The following BMP5 variants were observed in gnomAD, a reference collection of about 807,000 sequenced individuals.
The protein encoded by BMP5 is bone morphogenetic protein 5.
A neutral mutation model predicts 46.6 loss-of-function variants in BMP5; 23 were observed. The ratio of observed to expected loss-of-function variants is 0.49; its 90% CI spans 0.35 to 0.70. The LOEUF (loss-of-function observed/expected upper bound fraction) is 0.70. Ranked by LOEUF, BMP5 falls within the 30% of genes least tolerant of loss-of-function variation. The probability of loss-of-function intolerance (pLI) is 0.00; values close to 1 mark genes in which losing one functional copy is unlikely to be tolerated. For missense variants in BMP5, 545 were observed against 565.6 expected (o/e 0.96, Z 0.37); for synonymous variants, 204 against 191.9 (o/e 1.06, Z -0.52).
intron 3 of BMP5, among the ~76,000 whole-genome samples, chr6:55,779,948 G>A (rs942575604): frequency 2.0e-5 from 3 of 151,936 alleles, no homozygotes; most frequent in Non-Finnish European, 2.9e-5. Context: ...TCTTTTAACT[G>A]TAGAGAACAG....
chr6:55,785,974 A>T (rs1775438735), intron 3 of BMP5, among the ~76,000 whole-genome samples: 1 of 151,754 alleles, frequency 6.6e-6, no homozygotes, highest in Non-Finnish European at 1.5e-5. Context: ...CTCTCTAGAA[A>T]TCTTATTATA....
chr6:55,820,715 G>A (rs1189945031), intron 1 of BMP5, among the ~76,000 whole-genome samples: 2 of 144,510 alleles, frequency 1.4e-5, no homozygotes, highest in Admixed American at 6.9e-5. Flanking sequence ...ACTCTGCCCC[G>A]TGTTGTTTGT....
chr6:55,860,291 A>ATT (rs1777501042), intron 1 of BMP5, among the ~76,000 whole-genome samples: 1 of 152,210 alleles, frequency 6.6e-6, no homozygotes, highest in Non-Finnish European at 1.5e-5. Context: ...TTTTTTAAAA[A>ATT]GTAATGTTTT....
chr6:55,819,841 C>T lies in BMP5; in HGVS notation c.497G>A (p.Arg166Lys). Residue 166 changes from arginine to lysine, a missense_variant, in exon 2 of 7, where the codon AGA becomes AAA. By Grantham distance (26) the Arg-to-Lys change is conservative. Coordinates refer to ENST00000370830, the MANE Select transcript of BMP5 (RefSeq NM_021073.4). ...MVMSFVNLVE[R>K]DKDFSHQRRH... Reference sequence around the variant, plus strand: ...TCGCTGGTGAGAAAAATCCTTGTCTCTTTCAACTGAAAAAATAAAGGGGGT... The same window carrying T: ...TCGCTGGTGAGAAAAATCCTTGTCTTTTTCAACTGAAAAAATAAAGGGGGT... 2 of 1,613,170 alleles carry T rather than the reference C, an allele frequency of 1.2e-6. No individual in the cohort carries two copies. The highest frequency in any genetic ancestry group is 1.7e-6 in the Non-Finnish European group (2 of 1,179,506).
chr6:55,806,396 T>A (rs111381953), intron 2 of BMP5, among the ~76,000 whole-genome samples: 19 of 152,318 alleles, frequency 1.2e-4, no homozygotes, highest in African/African-American at 4.6e-4. Flanking sequence ...TGGTGTTATT[T>A]CTGAGGTCTC....
At chr6:55,761,223 C>A (rs1415842603) in intron 4 of BMP5, among the ~76,000 whole-genome samples, 1 of 151,988 alleles carries the variant, frequency 6.6e-6, no homozygotes, top group Non-Finnish European at 1.5e-5. Flanking sequence ...GCTCTCACGC[C>A]CTTCATAATT....
At chr6:55,828,669 AT>A (rs928753237) in intron 1 of BMP5, among the ~76,000 whole-genome samples, 56 of 151,830 alleles carry the variant, frequency 3.7e-4, no homozygotes, top group Admixed American at 1.8e-3. Flanking sequence ...TTAGAAAAAA[AT>A]AATTATACTC....
intron 6 of BMP5, among the ~76,000 whole-genome samples, chr6:55,757,795 A>C (rs1337599012): frequency 6.6e-6 from 1 of 151,964 alleles, no homozygotes; most frequent in Non-Finnish European, 1.5e-5. Context: ...TCTCTAGCCC[A>C]AGGTTATTTC....
At chr6:55,804,791 A>T (rs1052712336) in intron 2 of BMP5, among the ~76,000 whole-genome samples, 19 of 152,144 alleles carry the variant, frequency 1.2e-4, no homozygotes, top group African/African-American at 4.3e-4. Flanking sequence ...AAGGACAAAT[A>T]CTGTGGAGTT....
chr6:55,865,369 T>G (rs567232161), intron 1 of BMP5: 1 of 486,478 alleles, frequency 2.1e-6, no homozygotes, highest in African/African-American at 2.0e-5. Flanking sequence ...ATATCTAAAA[T>G]TAAAGTAAAA....
At chr6:55,863,559 C>T (rs193232696) in intron 1 of BMP5, among the ~76,000 whole-genome samples, 2 of 152,268 alleles carry the variant, frequency 1.3e-5, no homozygotes, top group African/African-American at 2.4e-5. Flanking sequence ...ATGGGAACTA[C>T]ATTTATTGTT....
At position 55,860,535 on chromosome 6, in the gene BMP5, C is replaced by T. The variant is rs547231476; in HGVS notation, c.490+13841G>A. The stretch of plus-strand genomic sequence containing the variant: ...TCAGATATTAAGATCCTTCACACTT[C>T]TAGCATTACAATTGGGCTATTGGTA... On this transcript the variant is annotated intron_variant, in intron 1 of 6. Coordinates refer to ENST00000370830, the MANE Select transcript of BMP5 (RefSeq NM_021073.4). 2.0e-3 allele frequency among the ~76,000 whole-genome samples: 298 copies of T among 152,218 alleles called. 2 individuals are homozygous for T. Among genetic ancestry groups the T allele is most frequent in the African/African-American group, 6.2e-3 (257 of 41,540 alleles).
intron 2 of BMP5, among the ~76,000 whole-genome samples, chr6:55,796,012 G>T (rs929633460): frequency 1.3e-5 from 2 of 152,008 alleles, no homozygotes; most frequent in Non-Finnish European, 2.9e-5. Flanking sequence ...CTCCAAATAA[G>T]CAGACAAGAA....
intron 4 of BMP5, among the ~76,000 whole-genome samples, chr6:55,762,614 T>A (rs955740544): frequency 3.3e-5 from 5 of 152,072 alleles, no homozygotes; most frequent in African/African-American, 1.2e-4. Context: ...GTTCAGGCAA[T>A]GGATAAATAA....
intron 2 of BMP5, among the ~76,000 whole-genome samples, chr6:55,806,287 G>A (rs190436818): frequency 2.9e-4 from 44 of 152,202 alleles, no homozygotes; most frequent in African/African-American, 9.9e-4. Context: ...TTCTGCATAT[G>A]GCTAGCCAGT....
chr6:55,778,419 C>T (rs370919915), intron 3 of BMP5, among the ~76,000 whole-genome samples: 1 of 152,000 alleles, frequency 6.6e-6, no homozygotes, highest in East Asian at 1.9e-4. Flanking sequence ...ATTGTTTATT[C>T]CTAATTATTT....
Position 55,807,532 on chromosome 6 carries a change from G to A in BMP5, c.683+12123C>T, listed in dbSNP as rs546109493. On this transcript the variant is annotated intron_variant, in intron 2 of 6. Transcript: ENST00000370830. ...TATTGGCCTGAAGTTTTCTTTCTTC[G>A]TTGTGTCTCTGGAAGGTTTTGGTAT... 8.9e-4 allele frequency among the ~76,000 whole-genome samples: 135 copies of A among 152,232 alleles called. No homozygotes were observed. In the Middle Eastern group the frequency reaches 0.037, roughly 42 times the overall value.
chr6:55,870,858 A>C, intron 1 of BMP5, among the ~76,000 whole-genome samples: 1 of 152,250 alleles, frequency 6.6e-6, no homozygotes, highest in East Asian at 1.9e-4. Flanking sequence ...CAACACATTT[A>C]AATACTTTTG....
At chr6:55,768,755 G>A (rs536579164) in intron 4 of BMP5, among the ~76,000 whole-genome samples, 1 of 151,824 alleles carries the variant, frequency 6.6e-6, no homozygotes, top group East Asian at 1.9e-4. Flanking sequence ...CTTGCCATTT[G>A]CCCTGTTAAT....
Sources: allele counts gnomAD v4.1 joint callset (sites outside exome capture counted in the v4.1 genomes callset), GRCh38; gene constraint gnomAD v4.1.1; transcripts MANE v1.5; gene names NCBI Gene and HGNC (gene_info 2026-07-23, HGNC 2026-07-21).